AGAP1: variants seen among roughly 807,000 people sequenced by gnomAD.
AGAP1 encodes the protein arf-GAP with GTPase, ANK repeat and PH domain-containing protein 1.
Under a neutral mutation model 105.3 loss-of-function variants are expected in AGAP1, and 29 were observed. The ratio of observed to expected loss-of-function variants is 0.28; its 90% CI spans 0.21 to 0.38. The LOEUF (loss-of-function observed/expected upper bound fraction) is 0.38. AGAP1 is among the 10% of genes least tolerant of loss of function. The probability of loss-of-function intolerance (pLI) is 1.00; values close to 1 mark genes in which losing one functional copy is unlikely to be tolerated. For missense variants in AGAP1, 998 were observed against 1,165.1 expected (o/e 0.86, Z 2.09); for synonymous variants, 509 against 485.9 (o/e 1.05, Z -0.63).
Position 235,992,007 on chromosome 2 carries a change from C to G in AGAP1, c.1645+23384C>G, listed in dbSNP as rs1440327405. On this transcript the variant is annotated intron_variant, in intron 13 of 17. Coordinates refer to ENST00000304032, the MANE Select transcript of AGAP1 (RefSeq NM_001037131.3). The surrounding 1 kb of genome is among the most constrained non-coding windows in gnomAD (Gnocchi z 4.8). ...GCCTCACAAATGTCCACATTTCTCT[C>G]TCATCTGTGAAGGCCCGTTGAGACT... is the stretch of plus-strand genomic sequence containing the variant. 6.6e-6 allele frequency among the ~76,000 whole-genome samples: 1 copy of G among 152,248 alleles called. No homozygotes were observed. The highest frequency in any genetic ancestry group is 2.4e-5 in the African/African-American group (1 of 41,470).
At position 235,721,513 on chromosome 2, in the gene AGAP1, G is replaced by A. The variant is rs183347929; in HGVS notation, c.310+3869G>A. Among the ~76,000 whole-genome samples the A allele has an allele frequency of 2.0e-4, 31 of 151,514 alleles. No individual in the cohort carries two copies. Among genetic ancestry groups the A allele is most frequent in the African/African-American group, 6.8e-4 (28 of 41,106 alleles). On this transcript the variant is annotated intron_variant, in intron 3 of 17. Transcript: ENST00000304032. The surrounding 1 kb of genome is among the most constrained non-coding windows in gnomAD (Gnocchi z 4.5). ...TGTGTGTGTGTGTGTGTACACCTAG[G>A]TGTGTAATATATGTATGTGTACTTC...
At chr2:235,978,397 C>A (rs1247673479) in intron 13 of AGAP1, among the ~76,000 whole-genome samples, 1 of 152,190 alleles carries the variant, frequency 6.6e-6, no homozygotes, top group Non-Finnish European at 1.5e-5. Flanking sequence ...CTCTTCCCTC[C>A]CAAGTCTTGG....
chr2:235,544,728 G>A (rs1279245816), intron 1 of AGAP1, among the ~76,000 whole-genome samples: 3 of 152,150 alleles, frequency 2.0e-5, no homozygotes, highest in Non-Finnish European at 2.9e-5. Flanking sequence ...GAAGCCCTTC[G>A]CCTGAGGCTC....
In AGAP1 at chr2:235,953,284, A is replaced by G. The variant is rs373515045; in HGVS notation, c.1484-15178A>G. Among the ~76,000 whole-genome samples, 1 of 152,220 alleles carries G rather than the reference A, an allele frequency of 6.6e-6. No individual in the cohort carries two copies. Among genetic ancestry groups the G allele is most frequent in the South Asian group, 2.1e-4 (1 of 4,834 alleles). On this transcript the variant is annotated intron_variant, in intron 12 of 17. Coordinates refer to ENST00000304032, the MANE Select transcript of AGAP1 (RefSeq NM_001037131.3). This position sits in a 1 kb window ranked among gnomAD's most constrained non-coding sequence, Gnocchi z 5.2. Reference sequence around the variant, plus strand: ...TAGCATTTGATTTAACCCCCAAAAAAGTACCCCGATGGTTCCCACAGTTGC... The same window carrying G: ...TAGCATTTGATTTAACCCCCAAAAAGGTACCCCGATGGTTCCCACAGTTGC...
chr2:235,613,980 T>C (rs1347523021), intron 1 of AGAP1, among the ~76,000 whole-genome samples: 1 of 151,684 alleles, frequency 6.6e-6, no homozygotes, highest in African/African-American at 2.4e-5. Flanking sequence ...ATATTGTGCA[T>C]GAGTCAGAAT....
Position 235,924,305 on chromosome 2 carries a change from G to A in AGAP1, c.1325-6460G>A, listed in dbSNP as rs552511915. Among the ~76,000 whole-genome samples, 3 of 152,238 alleles carry A rather than the reference G, an allele frequency of 2.0e-5. No homozygotes were observed. In the South Asian group the frequency reaches 6.2e-4, roughly 32 times the overall value. On this transcript the variant is annotated intron_variant, in intron 11 of 17. Transcript: ENST00000304032. ...GCCTCTCCTGTACCTTCCAGCAGCG[G>A]TGGGCTCCCTGACCCTCATACTTTC...
At chr2:235,811,452 C>T (rs972401255) in intron 9 of AGAP1, among the ~76,000 whole-genome samples, 5 of 152,338 alleles carry the variant, frequency 3.3e-5, no homozygotes, top group East Asian at 3.9e-4. Context: ...TCTTTTGAGA[C>T]GTTGTGTTGT....
At position 236,049,254 on chromosome 2, in the gene AGAP1, G is replaced by A. The variant is rs780245747; in HGVS notation, c.2087G>A (p.Arg696Gln). ...GTCTGGGAAGAGAGCAGCCAGGGGC[G>A]GACGAAACCATCGGTAGACTCCACA... ...NSVWEESSQGRTKPSVDSTRE... is the reference protein window; with the variant it reads ...NSVWEESSQGQTKPSVDSTRE... The change falls in exon 16 of 18, where the codon CGG becomes CAG. Residue 696 changes from arginine to glutamine, a missense_variant. This residue lies in a region of AGAP1 where 235 missense variants were observed against 270.7 expected (regional missense o/e 0.87). Coordinates refer to ENST00000304032, the MANE Select transcript of AGAP1 (RefSeq NM_001037131.3). 1.6e-5 allele frequency: 26 copies of A among 1,613,954 alleles called. No homozygotes were observed. Among genetic ancestry groups the A allele is most frequent in the Middle Eastern group, 1.6e-4 (1 of 6,084 alleles).
At chr2:235,710,084 A>G (rs531674454) in intron 2 of AGAP1, among the ~76,000 whole-genome samples, 11 of 152,286 alleles carry the variant, frequency 7.2e-5, no homozygotes, top group Non-Finnish European at 1.3e-4. Flanking sequence ...AAAGCAGATG[A>G]GCTCTTGCTG....
intron 10 of AGAP1, among the ~76,000 whole-genome samples, chr2:235,884,914 T>C (rs1464348450): frequency 6.6e-6 from 1 of 152,182 alleles, no homozygotes; most frequent in Non-Finnish European, 1.5e-5. Flanking sequence ...GGTCTCCCTC[T>C]GTTGCCCAGG....
rs1393129817 is a variant in AGAP1 at position 235,586,393 on chromosome 2, G to A, written c.163+91544G>A. Among the ~76,000 whole-genome samples, 1 of 152,198 alleles carries A rather than the reference G, an allele frequency of 6.6e-6. No homozygotes were observed. Among genetic ancestry groups the A allele is most frequent in the Non-Finnish European group, 1.5e-5 (1 of 68,026 alleles). On this transcript the variant is annotated intron_variant, in intron 1 of 17. Coordinates refer to ENST00000304032, the MANE Select transcript of AGAP1 (RefSeq NM_001037131.3). The surrounding 1 kb of genome is among the most constrained non-coding windows in gnomAD (Gnocchi z 4.2). ...GAGTTGGGAAAGAGACGGATGTTGA[G>A]CCTGAAGAGGCTGTGACCTCCCCAA...
In AGAP1 at chr2:235,936,357, A is replaced by C. The variant is rs1206432577; in HGVS notation, c.1483+5434A>C. The stretch of plus-strand genomic sequence containing the variant: ...GTTTCCTTCTGGCCACGTAATCATT[A>C]TATCTTTCCAGTAGACTCTGTGGTT... On this transcript the variant is annotated intron_variant, in intron 12 of 17. Transcript: ENST00000304032. The surrounding 1 kb of genome is among the most constrained non-coding windows in gnomAD (Gnocchi z 4.7). 1.3e-5 allele frequency among the ~76,000 whole-genome samples: 2 copies of C among 152,192 alleles called. No homozygotes were observed. The highest frequency in any genetic ancestry group is 2.9e-5 in the Non-Finnish European group (2 of 68,034).
At chr2:235,832,529 C>T (rs1959553254) in intron 9 of AGAP1, among the ~76,000 whole-genome samples, 1 of 152,176 alleles carries the variant, frequency 6.6e-6, no homozygotes, top group South Asian at 2.1e-4. Flanking sequence ...CACTTTTATA[C>T]ATTGTATGAA....
chr2:235,579,154 T>A (rs933982106), intron 1 of AGAP1, among the ~76,000 whole-genome samples: 1 of 152,200 alleles, frequency 6.6e-6, no homozygotes, highest in African/African-American at 2.4e-5. Context: ...CGTAAAACTT[T>A]CGTATAAGGG....
At chr2:236,074,865 G>A (rs1286105654) in intron 16 of AGAP1, among the ~76,000 whole-genome samples, 1 of 152,114 alleles carries the variant, frequency 6.6e-6, no homozygotes, top group East Asian at 1.9e-4. Context: ...GACCAGCCTG[G>A]ACCGCATGGC....
At position 236,102,466 on chromosome 2, in the gene AGAP1, T is replaced by C. The variant is rs575388621; in HGVS notation, c.2115-17726T>C. Among the ~76,000 whole-genome samples the C allele has an allele frequency of 2.8e-5, 4 of 143,908 alleles. No individual in the cohort carries two copies. The South Asian group carries it at 8.9e-4, about 32-fold the overall frequency. 94.4% of individuals were successfully genotyped at this position (143,908 alleles called of 152,430 possible). A position where few individuals can be genotyped will look rare whatever the true frequency, so the allele number is the denominator to read the frequency against. On this transcript the variant is annotated intron_variant, in intron 16 of 17. Transcript: ENST00000304032. Reference sequence around the variant, plus strand: ...AGCTGGGTGTGGTGGCTCATGCCTGTAATCCCAGCTACTCAGGAGACTGAG... The same window carrying C: ...AGCTGGGTGTGGTGGCTCATGCCTGCAATCCCAGCTACTCAGGAGACTGAG...
chr2:235,657,431 T>A (rs1315148188), intron 1 of AGAP1, among the ~76,000 whole-genome samples: 1 of 152,114 alleles, frequency 6.6e-6, no homozygotes, highest in Non-Finnish European at 1.5e-5. Context: ...CTGGCTGGAG[T>A]GTAATGGCGC....
intron 9 of AGAP1, among the ~76,000 whole-genome samples, chr2:235,841,218 A>G (rs1168916750): frequency 6.6e-6 from 1 of 152,200 alleles, no homozygotes; most frequent in African/African-American, 2.4e-5. Flanking sequence ...GAACAGGTCT[A>G]GAAGTTATCG....
chr2:235,998,868 TTGGTGGTGG>T (rs760942733), intron 13 of AGAP1, among the ~76,000 whole-genome samples: 25 of 144,474 alleles, frequency 1.7e-4, no homozygotes, highest in Admixed American at 4.1e-4. Flanking sequence ...ATGGTGAGAG[TTGGTGGTGG>T]TGGTGGTGGT....
Sources: gnomAD v4.1 joint callset for allele counts (sites outside exome capture counted in the v4.1 genomes callset) on GRCh38, gnomAD v4.1.1 for gene constraint, gnomAD v4.1.1 regional missense constraint, Gnocchi (gnomAD v3.1) non-coding constraint, MANE v1.5 for transcripts, NCBI Gene and HGNC (gene_info 2026-07-23, HGNC 2026-07-21) for gene names.